MGAM: variants seen among roughly 807,000 people sequenced by gnomAD.
MGAM encodes alpha-1,4-glucosidase.
A neutral mutation model predicts 358.8 loss-of-function variants in MGAM; 253 were observed. The ratio of observed to expected loss-of-function variants is 0.71; its 90% CI spans 0.64 to 0.78. MGAM has a LOEUF of 0.78. Among genes scored for constraint, MGAM ranks in the 30% least tolerant of loss-of-function variants. The pLI is 0.00. For synonymous variants in MGAM, 1,105 were observed against 1,227.1 expected (o/e 0.90, Z 2.08); for missense variants, 3,080 against 3,432.6 (o/e 0.90, Z 2.57).
chr7:142,095,435 TG>T, intron 63 of MGAM, 129 bp from the exon 64 acceptor site: 2 of 1,323,770 alleles, frequency 1.5e-6, no homozygotes, highest in Non-Finnish European at 1.0e-6. Flanking sequence ...GAATATTCTC[TG>T]GGCCTCATGT....
At chr7:142,063,407 G>T in intron 35 of MGAM, 92 bp from the exon 36 acceptor site, 2 of 1,460,646 alleles carry the variant, frequency 1.4e-6, no homozygotes. Context: ...ATTACTGGAT[G>T]TTGAACAATT....
At chr7:142,057,771 A>G (rs1289563660) in intron 30 of MGAM, among the ~76,000 whole-genome samples, 1 of 152,140 alleles carries the variant, frequency 6.6e-6, no homozygotes, top group African/African-American at 2.4e-5. Context: ...AGCATTTCAC[A>G]CATATTAACT....
chr7:142,056,306 A>G (rs1204209511), intron 29 of MGAM, among the ~76,000 whole-genome samples: 2 of 152,242 alleles, frequency 1.3e-5, no homozygotes, highest in Admixed American at 6.5e-5. Context: ...TTTGGTAAAA[A>G]TCACATAAGA....
At position 142,036,223 on chromosome 7, in the gene MGAM, C is replaced by A. The variant is rs374646574; in HGVS notation, c.2014C>A (p.Arg672=). 7 of 1,612,350 alleles carry A rather than the reference C, an allele frequency of 4.3e-6. No homozygotes were observed. Among genetic ancestry groups the A allele is most frequent in the Non-Finnish European group, 5.1e-6 (6 of 1,179,286 alleles). ...ALDTPEELCR[R]WMQLGAFYPF... is the part of the protein sequence containing the mutation. The stretch of plus-strand genomic sequence containing the variant: ...GGACACCCCTGAGGAGCTCTGTAGG[C>A]GGTGGATGCAGTTGGGTGCATTTTA... The change falls in exon 17 of 71, where the codon CGG becomes AGG. Residue 672 remains arginine (R), a synonymous_variant. Coordinates refer to ENST00000475668, the MANE Select transcript of MGAM (RefSeq NM_001365693.1).
At chr7:142,041,355 G>C (rs1808516682) in intron 21 of MGAM, among the ~76,000 whole-genome samples, 1 of 152,052 alleles carries the variant, frequency 6.6e-6, no homozygotes, top group Non-Finnish European at 1.5e-5. Context: ...TTGGAAGCCA[G>C]AAACCTGTCT....
chr7:142,003,083 T>G (rs1804859191), intron 1 of MGAM, among the ~76,000 whole-genome samples: 1 of 151,844 alleles, frequency 6.6e-6, no homozygotes, highest in South Asian at 2.1e-4. Context: ...TGACACAAAT[T>G]GGAAAACATC....
At position 142,091,965 on chromosome 7, in the gene MGAM, A is replaced by G. The variant is rs767644933; in HGVS notation, c.6863A>G (p.Lys2288Arg). Residue 2288 changes from lysine (K) to arginine (R), a missense_variant, in exon 58 of 71, where the codon AAG (lysine) becomes AGG (arginine). By Grantham distance (26) the Lys-to-Arg change is conservative. Transcript: ENST00000475668. ...FPDFFRNSTA[K>R]WWKREIEELY... ...GACTTTTTCCGTAATTCAACTGCCA[A>G]GTGGTGGAAGAGGGAAATAGAAGAA... The G allele has an allele frequency of 6.5e-7, 1 of 1,537,182 alleles. No homozygotes were observed. Among genetic ancestry groups the G allele is most frequent in the African/African-American group, 1.3e-5 (1 of 74,338 alleles).
intron 24 of MGAM, 47 bp downstream of exon 24, chr7:142,050,911 C>A (rs772860268): frequency 5.6e-6 from 9 of 1,611,352 alleles, no homozygotes; most frequent in Middle Eastern, 1.7e-4. Context: ...TTCTCCATAG[C>A]ATCGTGATGT....
chr7:142,063,027 C>T (rs1053153425), intron 35 of MGAM, among the ~76,000 whole-genome samples: 19 of 152,098 alleles, frequency 1.2e-4, no homozygotes, highest in African/African-American at 2.7e-4. Flanking sequence ...GGAGAAACTC[C>T]GTCTCTACTA....
In MGAM at chr7:142,040,184, G is replaced by T; in HGVS notation, c.2373+13G>T. 1 of 1,604,316 alleles carries T rather than the reference G, an allele frequency of 6.2e-7. No homozygotes were observed. Among genetic ancestry groups the T allele is most frequent in the South Asian group, 1.1e-5 (1 of 90,248 alleles). On this transcript the variant is annotated intron_variant, in intron 20 of 70. Coordinates refer to ENST00000475668, the MANE Select transcript of MGAM (RefSeq NM_001365693.1). The stretch of plus-strand genomic sequence containing the variant: ...TGACTACGAGACTGTAAGTAGCTTT[G>T]ACTTTTCTTCTACTCCTTAAGACTG...
chr7:141,994,802 G>A (rs1339342819), upstream of MGAM, among the ~76,000 whole-genome samples: 7 of 152,106 alleles, frequency 4.6e-5, no homozygotes, highest in East Asian at 1.9e-4. Context: ...CTGGCCTGCC[G>A]CCATGTTAAG....
rs755451092 is a variant in MGAM, at chr7:142,076,460, CTG to C, written c.5326-193_5326-192del. The C allele has an allele frequency of 9.8e-5, 84 of 854,102 alleles. 4 individuals carry two copies. The highest frequency in any genetic ancestry group is 4.4e-4 in the Middle Eastern group (2 of 4,574). The allele number at this position is 854,102 out of a possible 1,614,324, so 52.9% of individuals were successfully genotyped here. A position where few individuals can be genotyped will look rare whatever the true frequency, so the allele number is the denominator to read the frequency against. On this transcript the variant is annotated intron_variant, in intron 46 of 70. Coordinates refer to ENST00000475668, the MANE Select transcript of MGAM (RefSeq NM_001365693.1). ...GTTTCTAAATATAGTTTTTAATTAT[CTG>C]TGTGTTTTTATGATTGTATCAAATT...
At chr7:142,069,941 C>T (rs1380298422) in intron 43 of MGAM, among the ~76,000 whole-genome samples, 7 of 145,684 alleles carry the variant, frequency 4.8e-5, no homozygotes, top group East Asian at 2.0e-4. Context: ...CACCTGTAAT[C>T]CCAGGACTTT....
chr7:142,025,128 C>T lies in MGAM; in HGVS notation c.961C>T (p.Leu321=). 6.2e-7 allele frequency: 1 copy of T among 1,610,950 alleles called. No homozygotes were observed. Among genetic ancestry groups the T allele is most frequent in the African/African-American group, 1.3e-5 (1 of 74,948 alleles). Residue 321 remains leucine, a synonymous_variant, in exon 8 of 71, where the codon CTG becomes TTG. Transcript: ENST00000475668. ...DASGLSFGVF[L]MNSNAMEVVL... Reference sequence around the variant, plus strand: ...TAGTGGATTGTCCTTTGGGGTGTTTCTGATGAACAGCAATGCCATGGGTAA... The same window carrying T: ...TAGTGGATTGTCCTTTGGGGTGTTTTTGATGAACAGCAATGCCATGGGTAA...
rs372057406 is a variant in MGAM at position 142,076,295 on chromosome 7, C to T, written c.5325+43C>T. On this transcript the variant is annotated intron_variant, in intron 46 of 70. Transcript: ENST00000475668. ...ATGAATCTTAGGTGTGGGCTTTGGA[C>T]TGACCATTAGCACATCTGTGCTTGT... 77 of 1,431,648 alleles carry T rather than the reference C, an allele frequency of 5.4e-5. 11 individuals carry two copies. The highest frequency in any genetic ancestry group is 6.9e-5 in the Admixed American group (4 of 58,282). 88.7% of individuals were successfully genotyped at this position (1,431,648 alleles called of 1,614,324 possible).
intron 21 of MGAM, among the ~76,000 whole-genome samples, chr7:142,041,949 C>CGTATAATATATA (rs1554468943): frequency 0.026 from 292 of 11,064 alleles, 15 homozygotes; most frequent in Non-Finnish European, 0.041. Flanking sequence ...TATATATATA[C>CGTATAATATATA]ATATATATAA....
At chr7:142,056,691 C>T (rs1811584074) in intron 29 of MGAM, 139 bp from the exon 30 acceptor site, 6 of 752,398 alleles carry the variant, frequency 8.0e-6, no homozygotes, top group Non-Finnish European at 1.3e-5. Flanking sequence ...TTCTTCAGTT[C>T]TGTGAGTATG....
rs1172157932 is a variant in MGAM at position 142,105,830 on chromosome 7, T to C, written c.8201T>C (p.Val2734Ala). Residue 2734 changes from valine to alanine, a missense_variant, in exon 71 of 71, where the codon GTG (valine) becomes GCG (alanine). Physicochemically the swap from Val to Ala is moderately conservative, Grantham distance 64. Around this residue, in one of 5 missense-constraint regions of MGAM, gnomAD observed 194 missense variants for 172.8 expected, o/e 1.12. Transcript: ENST00000475668. ...DPTTQVLSID[V>A]TDRNISLHNF... ...TCCTAACAGGTATTAAGCATCGATG[T>C]GACTGACAGAAACATCAGCCTACAT... 6 of 1,613,344 alleles carry C rather than the reference T, an allele frequency of 3.7e-6. No homozygotes were observed. The highest frequency in any genetic ancestry group is 5.1e-6 in the Non-Finnish European group (6 of 1,179,360).
Position 142,083,852 on chromosome 7 carries a change from C to T in MGAM, c.6381+439C>T, listed in dbSNP as rs956769324. On this transcript the variant is annotated intron_variant, in intron 53 of 70. Coordinates refer to ENST00000475668, the MANE Select transcript of MGAM (RefSeq NM_001365693.1). ...GTGGTGATAGTGGTGGTGATGGTGACGATGATGGGGTGGTGATGGTTGGTG... is the reference window on the plus strand; with the variant it reads ...GTGGTGATAGTGGTGGTGATGGTGATGATGATGGGGTGGTGATGGTTGGTG... Among the ~76,000 whole-genome samples the T allele has an allele frequency of 2.0e-4, 28 of 138,132 alleles. 5 individuals carry two copies. Among genetic ancestry groups the T allele is most frequent in the Admixed American group, 8.0e-4 (11 of 13,746 alleles). 90.6% of individuals were successfully genotyped at this position (138,132 alleles called of 152,430 possible). A position where few individuals can be genotyped will look rare whatever the true frequency, so the allele number is the denominator to read the frequency against.
Sources: gnomAD v4.1 joint callset for allele counts (sites outside exome capture counted in the v4.1 genomes callset) on GRCh38, gnomAD v4.1.1 for gene constraint, gnomAD v4.1.1 regional missense constraint, MANE v1.5 for transcripts, NCBI Gene and HGNC (gene_info 2026-07-23, HGNC 2026-07-21) for gene names.